Variants in ERBB4 observed in about 807,000 individuals in gnomAD.
ERBB4 encodes the protein erb-b2 receptor tyrosine kinase 4, also known as receptor tyrosine-protein kinase erbB-4.
Under a neutral mutation model 158.0 loss-of-function variants are expected in ERBB4, and 42 were observed. That is an observed-to-expected ratio of 0.27 (90% CI 0.21 to 0.34). The LOEUF (loss-of-function observed/expected upper bound fraction) is 0.34. ERBB4 is among the 10% of genes least tolerant of loss of function. The pLI is 1.00. For synonymous variants in ERBB4, 583 were observed against 558.7 expected, an observed-to-expected ratio of 1.04 and a Z score of -0.61; for missense variants, 1,333 against 1,624.1, an observed-to-expected ratio of 0.82 and a Z score of 3.08.
chr2:212,131,514 T>C (rs2125585516), intron 1 of ERBB4, among the ~76,000 whole-genome samples: 1 of 152,286 alleles, frequency 6.6e-6, no homozygotes, highest in South Asian at 2.1e-4. Flanking sequence ...ACACAACAGT[T>C]ATTCCATTGA....
chr2:212,410,334 G>A (rs188596003), intron 1 of ERBB4, among the ~76,000 whole-genome samples: 32 of 151,958 alleles, frequency 2.1e-4, no homozygotes, highest in Admixed American at 1.6e-3. Context: ...ATTTCATTAC[G>A]TACAAATCAT....
At chr2:211,870,740 A>ATT (rs1342181218) in intron 3 of ERBB4, among the ~76,000 whole-genome samples, 1 of 152,112 alleles carries the variant, frequency 6.6e-6, no homozygotes, top group Non-Finnish European at 1.5e-5. Flanking sequence ...GGTAATTTTT[A>ATT]TTATATATAT....
chr2:212,314,692 G>T (rs2087196324), intron 1 of ERBB4, among the ~76,000 whole-genome samples: 1 of 150,860 alleles, frequency 6.6e-6, no homozygotes, highest in African/African-American at 2.4e-5. Context: ...TACTAAGAGA[G>T]AAATTAAAGG....
intron 25 of ERBB4, among the ~76,000 whole-genome samples, chr2:211,407,728 A>C (rs923285399): frequency 1.3e-5 from 2 of 152,210 alleles, no homozygotes; most frequent in African/African-American, 4.8e-5. Flanking sequence ...GACAGAACAC[A>C]AATTAGCCTC....
At chr2:211,516,663 C>G (rs1002861439) in intron 20 of ERBB4, among the ~76,000 whole-genome samples, 3 of 152,034 alleles carry the variant, frequency 2.0e-5, no homozygotes, top group African/African-American at 7.2e-5. Flanking sequence ...TCCTTAACTA[C>G]TTAGTAAAAC....
chr2:211,602,915 TGA>T (rs1178127613), intron 19 of ERBB4, among the ~76,000 whole-genome samples: 1 of 152,084 alleles, frequency 6.6e-6, no homozygotes. Flanking sequence ...GACTGCAGCA[TGA>T]GAGTGGAATT....
At chr2:212,172,930 C>T (rs1206721832) in intron 1 of ERBB4, among the ~76,000 whole-genome samples, 2 of 151,774 alleles carry the variant, frequency 1.3e-5, no homozygotes, top group Non-Finnish European at 2.9e-5. Context: ...CACATGTATC[C>T]CTGAACTTAG....
intron 3 of ERBB4, among the ~76,000 whole-genome samples, chr2:211,861,039 ATT>A (rs1211807395): frequency 0.034 from 291 of 8,602 alleles, 9 homozygotes; most frequent in South Asian, 0.053. Flanking sequence ...AATATAATAT[ATT>A]TATATATTTA....
chr2:212,242,571 A>G (rs76455240), intron 1 of ERBB4, among the ~76,000 whole-genome samples: 4,025 of 152,270 alleles, frequency 0.026, 172 homozygotes, highest in African/African-American at 0.092. Flanking sequence ...CTTAATATTA[A>G]GCAGGGAAAA....
chr2:212,413,134 ATTTTTTTTTT>A (rs370397826), intron 1 of ERBB4, among the ~76,000 whole-genome samples: 59 of 101,216 alleles, frequency 5.8e-4, no homozygotes, highest in African/African-American at 2.2e-3. Context: ...TGCGTGGCTA[ATTTTTTTTTT>A]TTTTTTTTTT....
chr2:212,216,059 G>A (rs568940862), intron 1 of ERBB4, among the ~76,000 whole-genome samples: 159 of 151,348 alleles, frequency 1.1e-3, no homozygotes, highest in African/African-American at 3.7e-3. Flanking sequence ...AAAGATTTGC[G>A]CCGGTGTTAT....
intron 20 of ERBB4, among the ~76,000 whole-genome samples, chr2:211,451,698 T>A (rs951609537): frequency 6.6e-6 from 1 of 152,154 alleles, no homozygotes; most frequent in African/African-American, 2.4e-5. Flanking sequence ...TCAAGGTAAA[T>A]GCAACCTCTG....
In ERBB4 at chr2:212,535,451, G is replaced by A. The variant is rs952905444; in HGVS notation, c.82+2998C>T. On this transcript the variant is annotated intron_variant, in intron 1 of 27. Transcript: ENST00000342788. ...ATAATGATGTATCTTAAATATGTAC[G>A]AAAGCTATATGTACTTTTATAGAAT... Among the ~76,000 whole-genome samples, 4 of 152,112 alleles carry A rather than the reference G, an allele frequency of 2.6e-5. No individual in the cohort carries two copies. In the East Asian group the frequency reaches 7.7e-4, roughly 29 times the overall value.
intron 20 of ERBB4, among the ~76,000 whole-genome samples, chr2:211,505,570 G>GCAAA (rs71047179): frequency 0.12 from 17,994 of 151,146 alleles, 1,303 homozygotes; most frequent in African/African-American, 0.19. Context: ...AAGGCAACTA[G>GCAAA]CAAACAAACA....
intron 1 of ERBB4, among the ~76,000 whole-genome samples, chr2:212,160,129 C>T (rs933113035): frequency 6.6e-6 from 1 of 151,942 alleles, no homozygotes; most frequent in Admixed American, 6.6e-5. Flanking sequence ...ATAACCCTTT[C>T]CTCAGAAGGG....
At chr2:211,585,125 G>A (rs1206112292) in intron 19 of ERBB4, among the ~76,000 whole-genome samples, 1 of 152,066 alleles carries the variant, frequency 6.6e-6, no homozygotes, top group Admixed American at 6.6e-5. Flanking sequence ...GGCCGAGGCG[G>A]GCGGATCACG....
At chr2:212,320,945 T>C (rs145246541) in intron 1 of ERBB4, among the ~76,000 whole-genome samples, 67 of 150,330 alleles carry the variant, frequency 4.5e-4, no homozygotes, top group African/African-American at 1.5e-3. Flanking sequence ...CTGAAAAAAC[T>C]GTTTCTTTTT....
intron 3 of ERBB4, among the ~76,000 whole-genome samples, chr2:211,931,151 C>T (rs187409323): frequency 7.8e-4 from 119 of 152,220 alleles, no homozygotes; most frequent in African/African-American, 2.6e-3. Flanking sequence ...GGTTGTGTTG[C>T]CCAGTTCACT....
In ERBB4 at chr2:212,090,485, A is replaced by T. The variant is rs2125491331; in HGVS notation, c.234+34267T>A. The stretch of plus-strand genomic sequence containing the variant: ...TGGAGGTCTAGTGATTGTCAGCTCA[A>T]ACTGGTCTATCCTATAGAAGCATCT... On this transcript the variant is annotated intron_variant, in intron 2 of 27. Transcript: ENST00000342788. 1.3e-5 allele frequency among the ~76,000 whole-genome samples: 2 copies of T among 152,196 alleles called. 1 individual carries two copies. Among genetic ancestry groups the T allele is most frequent in the South Asian group, 4.1e-4 (2 of 4,822 alleles).
Sources: gnomAD v4.1 joint callset for allele counts (sites outside exome capture counted in the v4.1 genomes callset) on GRCh38, gnomAD v4.1.1 for gene constraint, MANE v1.5 for transcripts, NCBI Gene and HGNC (gene_info 2026-07-23, HGNC 2026-07-21) for gene names.